HAS2: variants seen among roughly 807,000 people sequenced by gnomAD.
HAS2 encodes HA synthase 2.
Under a neutral mutation model 51.6 loss-of-function variants are expected in HAS2, and 16 were observed. The observed-to-expected ratio is 0.31, with a 90% confidence interval of 0.21 to 0.47. The LOEUF is 0.47. Ranked by LOEUF, HAS2 falls within the 20% of genes least tolerant of loss-of-function variation. The pLI, the probability that HAS2 is intolerant of heterozygous loss-of-function variation, is 1.00. For synonymous variants in HAS2, 228 were observed against 235.5 expected (o/e 0.97, Z 0.29); for missense variants, 361 against 662.6 (o/e 0.54, Z 5.00).
intron 2 of HAS2, among the ~76,000 whole-genome samples, chr8:121,626,134 T>C (rs1812848203): frequency 6.6e-6 from 1 of 152,136 alleles, no homozygotes; most frequent in Non-Finnish European, 1.5e-5. Context: ...AGAATAACTT[T>C]GAGACAAGAA....
At chr8:121,638,512 G>A (rs1470414837) in intron 1 of HAS2, among the ~76,000 whole-genome samples, 2 of 152,122 alleles carry the variant, frequency 1.3e-5, no homozygotes, top group African/African-American at 4.8e-5. Flanking sequence ...CCCGACTCAG[G>A]TGATATCTAA....
intron 1 of HAS2, among the ~76,000 whole-genome samples, chr8:121,637,105 CAT>C (rs1426587771): frequency 6.6e-6 from 1 of 152,200 alleles, no homozygotes; most frequent in African/African-American, 2.4e-5. Context: ...ACATACTAGA[CAT>C]GTGATAAACA....
Position 121,629,149 on chromosome 8 carries a change from G to T in HAS2, c.192C>A (p.Ala64=). 6.2e-7 allele frequency: 1 copy of T among 1,614,064 alleles called. No homozygotes were observed. The highest frequency in any genetic ancestry group is 1.7e-4 in the Middle Eastern group (1 of 6,060). Residue 64 remains alanine, a synonymous_variant, in exon 2 of 4, where the codon GCC becomes GCA. Coordinates refer to ENST00000303924, the MANE Select transcript of HAS2 (RefSeq NM_005328.3). ...ASHLIIQSLF[A]FLEHRKMKKS... ...TTTTCATTTTTCGGTGCTCCAAAAA[G>T]GCAAACAGGCTTTGGATGATGAGGT...
At chr8:121,633,090 C>T (rs1391432893) in intron 1 of HAS2, among the ~76,000 whole-genome samples, 2 of 150,470 alleles carry the variant, frequency 1.3e-5, no homozygotes, top group Non-Finnish European at 3.0e-5. Context: ...AAAATGTCAT[C>T]GTATAAGGAA....
intron 2 of HAS2, among the ~76,000 whole-genome samples, chr8:121,622,911 TA>T (rs1333089958): frequency 1.3e-5 from 2 of 151,818 alleles, no homozygotes; most frequent in African/African-American, 4.8e-5. Context: ...ATTTTAGAGC[TA>T]CAAAAGCTTT....
Position 121,614,637 on chromosome 8 carries a change from G to T in HAS2, c.1131C>A (p.Thr377=). Residue 377 remains threonine, a synonymous_variant, in exon 4 of 4, where the codon ACC becomes ACA. Coordinates refer to ENST00000303924, the MANE Select transcript of HAS2 (RefSeq NM_005328.3). This position sits in a 1 kb window ranked among gnomAD's most constrained non-coding sequence, Gnocchi z 7.2. ...AGAATCCAGTGATAATCGCTTCGTA[G>T]GTCATCCACAAGTGATGTTTGTGAA... ...MWFHKHHLWM[T]YEAIITGFFP... is the part of the protein sequence containing the mutation. 1.2e-6 allele frequency: 2 copies of T among 1,614,086 alleles called. No homozygotes were observed. The highest frequency in any genetic ancestry group is 1.7e-6 in the Non-Finnish European group (2 of 1,179,922).
At chr8:121,631,126 G>A (rs1812924212) in intron 1 of HAS2, among the ~76,000 whole-genome samples, 1 of 152,098 alleles carries the variant, frequency 6.6e-6, no homozygotes, top group African/African-American at 2.4e-5. Context: ...AATGTTTTAG[G>A]GAATTGGAAA....
At position 121,614,823 on chromosome 8, in the gene HAS2, C is replaced by T. The variant is rs1812680295; in HGVS notation, c.945G>A (p.Arg315=). Residue 315 remains arginine (R), a synonymous_variant, in exon 4 of 4, where the codon AGG becomes AGA. Coordinates refer to ENST00000303924, the MANE Select transcript of HAS2 (RefSeq NM_005328.3). The surrounding 1 kb of genome is among the most constrained non-coding windows in gnomAD (Gnocchi z 7.2). ...GGCTCAGCACCCGGTTCGTGAGATG[C>T]CTGTCATCACCAAAGCTACATTGGT... ...MGNQCSFGDD[R]HLTNRVLSLG... 5.6e-6 allele frequency: 9 copies of T among 1,614,160 alleles called. No individual in the cohort carries two copies. The highest frequency in any genetic ancestry group is 7.6e-6 in the Non-Finnish European group (9 of 1,180,028).
intron 2 of HAS2, among the ~76,000 whole-genome samples, chr8:121,617,859 G>A (rs1812725612): frequency 6.6e-6 from 1 of 152,116 alleles, no homozygotes; most frequent in South Asian, 2.1e-4. Context: ...TATCAGGAAG[G>A]GGATTTGCAG....
chr8:121,638,550 T>C (rs1289533607), intron 1 of HAS2, among the ~76,000 whole-genome samples: 1 of 152,248 alleles, frequency 6.6e-6, no homozygotes, highest in Non-Finnish European at 1.5e-5. Flanking sequence ...GGATGATACT[T>C]TAGTTACAAT....
chr8:121,626,544 C>T (rs891707033), intron 2 of HAS2, among the ~76,000 whole-genome samples: 3 of 152,200 alleles, frequency 2.0e-5, no homozygotes, highest in Admixed American at 1.3e-4. Context: ...CCCTAACCAG[C>T]CTGCACTCCA....
chr8:121,629,682 T>C (rs1414367356), intron 1 of HAS2, among the ~76,000 whole-genome samples: 1 of 152,210 alleles, frequency 6.6e-6, no homozygotes, highest in Admixed American at 6.5e-5. Flanking sequence ...TATGTGGTCA[T>C]AGCCAGGCAG....
Position 121,641,182 on chromosome 8 carries a change from G to GTTTTTTTTTTTT in HAS2, c.-331_-330insAAAAAAAAAAAA, listed in dbSNP as rs1240320617. 2.0e-5 allele frequency: 1 copy of GTTTTTTTTTTTT among 48,848 alleles called. No individual in the cohort carries two copies. Among genetic ancestry groups the GTTTTTTTTTTTT allele is most frequent in the Non-Finnish European group, 3.5e-5 (1 of 28,528 alleles). The allele number at this position is 48,848 out of a possible 1,614,324, so 3.0% of individuals were successfully genotyped here. A position where few individuals can be genotyped will look rare whatever the true frequency, so the allele number is the denominator to read the frequency against. ...TCTTTTTTTTTTTTTTTTTTTTTTG[G>GTTTTTTTTTTTT]GCTTCAGTCTTTCTGCCCCCGATAA... On this transcript the variant is annotated 5_prime_UTR_variant, in exon 1 of 4. Transcript: ENST00000303924.
chr8:121,626,260 G>A (rs1000534510), intron 2 of HAS2, among the ~76,000 whole-genome samples: 1 of 152,196 alleles, frequency 6.6e-6, no homozygotes. Context: ...TCTGTTAGTA[G>A]TTAAGCAGAG....
intron 2 of HAS2, among the ~76,000 whole-genome samples, chr8:121,618,150 G>T (rs1317467665): frequency 6.6e-6 from 1 of 152,134 alleles, no homozygotes. Flanking sequence ...TTTTCAGACT[G>T]ATTTCCAAAT....
In HAS2 at chr8:121,617,040, A is replaced by G. The variant is rs977574187; in HGVS notation, c.729+65T>C. The G allele has an allele frequency of 6.9e-6, 6 of 867,448 alleles. No individual in the cohort carries two copies. The African/African-American group carries it at 1.0e-4, about 14-fold the overall frequency. The allele number at this position is 867,448 out of a possible 1,614,324, so 53.7% of individuals were successfully genotyped here. On this transcript the variant is annotated intron_variant, in intron 3 of 3. Transcript: ENST00000303924. ...TAATAAATGTATGTTCAATGAGTCA[A>G]TGAGTAAAAGTGCTCTTAAAAGTAT...
At chr8:121,630,893 T>C (rs1351840476) in intron 1 of HAS2, among the ~76,000 whole-genome samples, 2 of 152,136 alleles carry the variant, frequency 1.3e-5, no homozygotes, top group African/African-American at 4.8e-5. Context: ...CAATTGTACA[T>C]TGAGAAGGTC....
At position 121,622,250 on chromosome 8, in the gene HAS2, A is replaced by T. The variant is rs1812783204; in HGVS notation, c.628-5044T>A. ...ACTTACTTAGTAAATACAAGATGCT[A>T]CCATTCCCCCTGAACTCCTACCAGT... On this transcript the variant is annotated intron_variant, in intron 2 of 3. Coordinates refer to ENST00000303924, the MANE Select transcript of HAS2 (RefSeq NM_005328.3). Among the ~76,000 whole-genome samples the T allele has an allele frequency of 2.0e-5, 3 of 152,108 alleles. No individual in the cohort carries two copies. The South Asian group carries it at 6.2e-4, about 32-fold the overall frequency.
intron 2 of HAS2, among the ~76,000 whole-genome samples, chr8:121,627,894 AAATCT>A (rs1258035431): frequency 6.6e-6 from 1 of 152,190 alleles, no homozygotes; most frequent in Non-Finnish European, 1.5e-5. Context: ...ATCATGGCCA[AAATCT>A]AATTATTATA....
Sources: gnomAD v4.1 joint callset for allele counts (sites outside exome capture counted in the v4.1 genomes callset) on GRCh38, gnomAD v4.1.1 for gene constraint, Gnocchi (gnomAD v3.1) non-coding constraint, MANE v1.5 for transcripts, NCBI Gene and HGNC (gene_info 2026-07-23, HGNC 2026-07-21) for gene names.